The following FRY variants were observed in gnomAD, a reference collection of about 807,000 sequenced individuals.
The protein encoded by FRY is FRY microtubule binding protein.
A neutral mutation model predicts 348.4 loss-of-function variants in FRY; 128 were observed. The observed-to-expected ratio is 0.37, with a 90% CI of 0.32 to 0.43. The LOEUF is 0.43. FRY is among the 20% of genes least tolerant of loss of function. The pLI, the probability that FRY is intolerant of heterozygous loss-of-function variation, is 1.00. For synonymous variants in FRY, 1,370 were observed against 1,374.7 expected (o/e 1.00, Z 0.08); for missense variants, 2,736 against 3,695.2 (o/e 0.74, Z 6.73).
At chr13:32,292,913 A>G (rs1889448540) in intron 59 of FRY, among the ~76,000 whole-genome samples, 1 of 152,352 alleles carries the variant, frequency 6.6e-6, no homozygotes, top group East Asian at 1.9e-4. Context: ...GTCAGCAGCC[A>G]TTAACATTAA....
chr13:32,194,891 A>G (rs1883580393), intron 29 of FRY, among the ~76,000 whole-genome samples: 5 of 107,820 alleles, frequency 4.6e-5, no homozygotes, highest in Non-Finnish European at 9.5e-5. Context: ...TCCAAGTTGC[A>G]TAAGCTATTC....
intron 41 of FRY, among the ~76,000 whole-genome samples, chr13:32,234,227 G>A (rs1886089843): frequency 6.7e-6 from 1 of 150,150 alleles, no homozygotes; most frequent in African/African-American, 2.4e-5. Context: ...TTCAAGACCA[G>A]CCTTGGCAAC....
At chr13:32,236,400 A>G (rs1886232261) in intron 43 of FRY, among the ~76,000 whole-genome samples, 1 of 152,184 alleles carries the variant, frequency 6.6e-6, no homozygotes, top group African/African-American at 2.4e-5. Context: ...CATCAGGAAG[A>G]TAGATACTAA....
Position 32,262,569 on chromosome 13 carries a change from G to C in FRY, c.7779+94G>C, listed in dbSNP as rs866787764. On this transcript the variant is annotated intron_variant, in intron 53 of 60. Transcript: ENST00000542859. ...TCTGAGAATTCTTAAGGGGTCTCAA[G>C]TAGAAAGACTATCTTTATCTTTTTC... The C allele has an allele frequency of 1.6e-5, 14 of 893,064 alleles. No homozygotes were observed. The Middle Eastern group carries it at 2.7e-3, about 174-fold the overall frequency. The allele number at this position is 893,064 out of a possible 1,614,324, so 55.3% of individuals were successfully genotyped here.
rs1338789757 is a variant in FRY, at chr13:32,173,356, T to C, written c.2152-11T>C. The C allele has an allele frequency of 1.2e-6, 2 of 1,605,542 alleles. No individual in the cohort carries two copies. Among genetic ancestry groups the C allele is most frequent in the Admixed American group, 1.7e-5 (1 of 60,004 alleles). On this transcript the variant is annotated splice_polypyrimidine_tract_variant and intron_variant, in intron 18 of 60. Coordinates refer to ENST00000542859, the MANE Select transcript of FRY (RefSeq NM_023037.3). Reference sequence around the variant, plus strand: ...CGCTGAATACAGAATGTTGTTCTTATTGCATAACAGCTCATCGCAAATGGC... The same window carrying C: ...CGCTGAATACAGAATGTTGTTCTTACTGCATAACAGCTCATCGCAAATGGC...
intron 3 of FRY, among the ~76,000 whole-genome samples, chr13:32,114,322 A>G (rs1878163588): frequency 6.6e-6 from 1 of 152,196 alleles, no homozygotes; most frequent in South Asian, 2.1e-4. Context: ...TGTCACAACT[A>G]AGAAACCAGC....
chr13:32,187,379 T>G (rs1304197027), intron 27 of FRY, among the ~76,000 whole-genome samples, 167 bp from the exon 28 acceptor site: 1 of 152,236 alleles, frequency 6.6e-6, no homozygotes, highest in Non-Finnish European at 1.5e-5. Flanking sequence ...AATCTGGTAT[T>G]TTTTATTAAA....
chr13:32,069,525 A>G (rs1414790724), intron 1 of FRY, among the ~76,000 whole-genome samples: 1 of 152,182 alleles, frequency 6.6e-6, no homozygotes, highest in African/African-American at 2.4e-5. Context: ...CAGTCTGGGA[A>G]TGGTGTGATA....
intron 29 of FRY, among the ~76,000 whole-genome samples, chr13:32,197,576 C>T (rs1883749799): frequency 6.6e-6 from 1 of 152,148 alleles, no homozygotes; most frequent in East Asian, 1.9e-4. Flanking sequence ...GTTGCCTACC[C>T]ACTAGTAAAA....
intron 23 of FRY, 133 bp downstream of exon 23, chr13:32,179,932 A>G (rs931076342): frequency 3.5e-6 from 3 of 853,770 alleles, no homozygotes; most frequent in African/African-American, 3.3e-5. Context: ...ACTTCCCACT[A>G]CATCGTCTTG....
At chr13:32,215,729 C>G (rs1884951723) in intron 35 of FRY, among the ~76,000 whole-genome samples, 1 of 152,120 alleles carries the variant, frequency 6.6e-6, no homozygotes, top group South Asian at 2.1e-4. Context: ...GTCACCACAC[C>G]TAGCTCATTT....
intron 55 of FRY, among the ~76,000 whole-genome samples, chr13:32,268,868 T>G (rs1465308289): frequency 6.6e-6 from 1 of 152,140 alleles, no homozygotes; most frequent in Non-Finnish European, 1.5e-5. Context: ...AATGCTTTTC[T>G]TTCAGCATTT....
chr13:32,279,919 A>G (rs979389635), intron 58 of FRY, among the ~76,000 whole-genome samples: 3 of 152,206 alleles, frequency 2.0e-5, no homozygotes, highest in Admixed American at 2.0e-4. Context: ...AGTTTTAGTG[A>G]AGAGATCAGA....
chr13:32,257,430 G>C (rs185363916), intron 51 of FRY, among the ~76,000 whole-genome samples: 1 of 152,184 alleles, frequency 6.6e-6, no homozygotes, highest in Non-Finnish European at 1.5e-5. Context: ...AATTTACTGA[G>C]TGATATCTGC....
At position 32,202,185 on chromosome 13, in the gene FRY, T is replaced by G. The variant is rs759971817; in HGVS notation, c.3846+145T>G. On this transcript the variant is annotated intron_variant, in intron 30 of 60. Transcript: ENST00000542859. ...TGGCTATGAAGAGTGAGAAAGTAACTATATAATCTTTTGTAAACATACTAA... is the reference window on the plus strand; with the variant it reads ...TGGCTATGAAGAGTGAGAAAGTAACGATATAATCTTTTGTAAACATACTAA... 8 of 789,596 alleles carry G rather than the reference T, an allele frequency of 1.0e-5. No homozygotes were observed. In the South Asian group the frequency reaches 1.1e-4, roughly 11 times the overall value. The allele number at this position is 789,596 out of a possible 1,614,324, so 48.9% of individuals were successfully genotyped here. A position where few individuals can be genotyped will look rare whatever the true frequency, so the allele number is the denominator to read the frequency against.
At chr13:32,080,837 C>T (rs558024012) in intron 2 of FRY, among the ~76,000 whole-genome samples, 5 of 152,170 alleles carry the variant, frequency 3.3e-5, no homozygotes, top group Non-Finnish European at 7.4e-5. Flanking sequence ...GCAAAAATGA[C>T]AGGTCTAGTC....
intron 3 of FRY, among the ~76,000 whole-genome samples, chr13:32,103,456 T>A (rs1024698573): frequency 1.2e-4 from 18 of 152,162 alleles, no homozygotes; most frequent in African/African-American, 4.3e-4. Context: ...AATTGAACAA[T>A]GAGAACACAT....
At chr13:32,195,049 A>T (rs948313995) in intron 29 of FRY, among the ~76,000 whole-genome samples, 8 of 152,326 alleles carry the variant, frequency 5.3e-5, no homozygotes, top group Admixed American at 5.2e-4. Flanking sequence ...AATAAAAGTG[A>T]ATTAGTTTTA....
chr13:32,042,061 T>A (rs1453066426), intron 1 of FRY, among the ~76,000 whole-genome samples: 3 of 152,236 alleles, frequency 2.0e-5, no homozygotes, highest in Non-Finnish European at 4.4e-5. Context: ...TTTATTTTGT[T>A]ATCTGTTTTG....
Sources: allele counts gnomAD v4.1 joint callset (sites outside exome capture counted in the v4.1 genomes callset), GRCh38; gene constraint gnomAD v4.1.1; transcripts MANE v1.5; gene names NCBI Gene and HGNC (gene_info 2026-07-23, HGNC 2026-07-21).